FAM171B: variants seen among roughly 807,000 people sequenced by gnomAD.
FAM171B encodes the protein family with sequence similarity 171 member B.
In FAM171B, 19 loss-of-function variants were observed where a neutral mutation model predicts 75.6. The ratio of observed to expected loss-of-function variants is 0.25; its 90% CI spans 0.18 to 0.37. The LOEUF is 0.37. Among genes scored for constraint, FAM171B ranks in the 10% least tolerant of loss-of-function variants. The pLI, the probability that FAM171B is intolerant of heterozygous loss-of-function variation, is 1.00. For missense variants in FAM171B, 848 were observed against 982.4 expected (o/e 0.86, Z 1.83); for synonymous variants, 367 against 361.7 (o/e 1.01, Z -0.17).
intron 6 of FAM171B, 73 bp from the exon 7 acceptor site, chr2:186,761,040 C>T: frequency 6.7e-7 from 1 of 1,486,202 alleles, no homozygotes; most frequent in Non-Finnish European, 9.1e-7. Context: ...CAATTTGCCT[C>T]ACCCAGGATG....
intron 1 of FAM171B, among the ~76,000 whole-genome samples, chr2:186,729,486 T>C (rs1457343835): frequency 1.3e-5 from 2 of 152,096 alleles, no homozygotes; most frequent in Non-Finnish European, 2.9e-5. Flanking sequence ...GGGATATATA[T>C]TGCTTCTGGC....
In FAM171B at chr2:186,737,784, C is replaced by T. The variant is rs367596032; in HGVS notation, c.239-2444C>T. On this transcript the variant is annotated intron_variant, in intron 1 of 7. Coordinates refer to ENST00000304698, the MANE Select transcript of FAM171B (RefSeq NM_177454.4). ...AAAAGAGCTAGCCATGCAGTAGTGG[C>T]ATTTTATTCTAAGAACTTTGACTAC... 2.6e-5 allele frequency among the ~76,000 whole-genome samples: 4 copies of T among 152,228 alleles called. No homozygotes were observed. In the East Asian group the frequency reaches 7.7e-4, roughly 29 times the overall value.
At chr2:186,699,896 A>C (rs955387915) in intron 1 of FAM171B, among the ~76,000 whole-genome samples, 2 of 152,068 alleles carry the variant, frequency 1.3e-5, no homozygotes, top group Non-Finnish European at 2.9e-5. Context: ...CCCCTAATGT[A>C]TGTTCTTGGC....
intron 1 of FAM171B, among the ~76,000 whole-genome samples, chr2:186,720,381 A>G (rs1368432683): frequency 6.6e-6 from 1 of 152,122 alleles, no homozygotes; most frequent in South Asian, 2.1e-4. Flanking sequence ...CCTCCTACTT[A>G]ATACATGCTC....
At chr2:186,754,371 T>A (rs932618731) in intron 6 of FAM171B, among the ~76,000 whole-genome samples, 2 of 152,124 alleles carry the variant, frequency 1.3e-5, no homozygotes, top group Non-Finnish European at 2.9e-5. Context: ...AGAAAAAGAT[T>A]TTGACTAATT....
intron 1 of FAM171B, among the ~76,000 whole-genome samples, chr2:186,721,545 C>T (rs1174443446): frequency 2.0e-5 from 3 of 152,042 alleles, no homozygotes; most frequent in Non-Finnish European, 4.4e-5. Context: ...TGAACAAGCA[C>T]CTTTTAGATA....
intron 2 of FAM171B, among the ~76,000 whole-genome samples, chr2:186,740,899 A>T (rs1482690180): frequency 4.6e-5 from 7 of 152,216 alleles, no homozygotes; most frequent in Non-Finnish European, 8.8e-5. Context: ...AACCTCCCTA[A>T]CATATTATTA....
chr2:186,760,149 A>G (rs1298246030), intron 6 of FAM171B, among the ~76,000 whole-genome samples: 1 of 152,024 alleles, frequency 6.6e-6, no homozygotes, highest in Non-Finnish European at 1.5e-5. Flanking sequence ...GTCTATATGT[A>G]TGTTTTTACC....
chr2:186,726,187 C>T (rs1416249700), intron 1 of FAM171B, among the ~76,000 whole-genome samples: 3 of 152,178 alleles, frequency 2.0e-5, no homozygotes, highest in Non-Finnish European at 2.9e-5. Flanking sequence ...TATTCTCTCT[C>T]ATTAATTTCT....
Position 186,761,562 on chromosome 2 carries a change from C to T in FAM171B, c.1220C>T (p.Thr407Ile). ...AAGAGAGACCAGACAACTTCAACAA[C>T]ACACATAAATCATATCAGTACAGTT... ...VLKRDQTTST[T>I]HINHISTVKV... The change falls in exon 8 of 8, where the codon ACA becomes ATA. Residue 407 changes from threonine to isoleucine, a missense_variant. Physicochemically the swap from Thr to Ile is moderately conservative, Grantham distance 89. Transcript: ENST00000304698. 1 of 1,608,908 alleles carries T rather than the reference C, an allele frequency of 6.2e-7. No individual in the cohort carries two copies. Among genetic ancestry groups the T allele is most frequent in the East Asian group, 2.2e-5 (1 of 44,822 alleles).
rs1410196815 is a variant in FAM171B, at chr2:186,694,187, G to A, written c.14G>A (p.Cys5Tyr). ...TGGCTCTAGGCCATGGCGAGGCTCT[G>A]CCGGCGTGTCCCCTGCACCCTGCTT... MARL[C>Y]RRVPCTLLLG... Residue 5 changes from cysteine (C) to tyrosine (Y), a missense_variant, in exon 1 of 8, where the codon TGC (cysteine) becomes TAC (tyrosine). Cys to Tyr is a radical substitution (Grantham distance 194). Transcript: ENST00000304698. 6.9e-6 allele frequency: 11 copies of A among 1,600,120 alleles called. No homozygotes were observed. Among genetic ancestry groups the A allele is most frequent in the Non-Finnish European group, 9.3e-6 (11 of 1,177,944 alleles).
intron 1 of FAM171B, among the ~76,000 whole-genome samples, chr2:186,715,191 G>T (rs113985963): frequency 2.2e-4 from 33 of 151,340 alleles, no homozygotes; most frequent in African/African-American, 7.7e-4. Flanking sequence ...GAGGGGTTTT[G>T]TGTGTGTGTG....
At chr2:186,712,304 T>A (rs1351292755) in intron 1 of FAM171B, among the ~76,000 whole-genome samples, 1 of 152,176 alleles carries the variant, frequency 6.6e-6, no homozygotes, top group Non-Finnish European at 1.5e-5. Flanking sequence ...CATTCTGCCT[T>A]TTTCTTTGTG....
In FAM171B at chr2:186,762,732, AAAG is replaced by A. The variant is rs1349753900; in HGVS notation, c.2394_2396del (p.Arg799del). 2 of 1,613,222 alleles carry A rather than the reference AAAG, an allele frequency of 1.2e-6. No homozygotes were observed. Among genetic ancestry groups the A allele is most frequent in the South Asian group, 2.2e-5 (2 of 91,062 alleles). ...TTTGAAGCTAATACATCCCCCACTAAAAGAAGGGGCAGACCACCACTAGCCAAA... is the reference window on the plus strand; with the variant it reads ...TTTGAAGCTAATACATCCCCCACTAAAAGGGGCAGACCACCACTAGCCAAA... On this transcript the variant is annotated inframe_deletion, in exon 8 of 8. Coordinates refer to ENST00000304698, the MANE Select transcript of FAM171B (RefSeq NM_177454.4). The surrounding 1 kb of genome is among the most constrained non-coding windows in gnomAD (Gnocchi z 4.0).
intron 1 of FAM171B, among the ~76,000 whole-genome samples, chr2:186,696,147 T>A (rs140307606): frequency 6.6e-6 from 1 of 152,288 alleles, no homozygotes; most frequent in Non-Finnish European, 1.5e-5. Context: ...GTTTTTGTTT[T>A]ATTTACCTAT....
rs1461069490 is a variant in FAM171B, at chr2:186,751,125, C to G, written c.725-9C>G. 7.0e-6 allele frequency: 11 copies of G among 1,582,708 alleles called. No homozygotes were observed. The highest frequency in any genetic ancestry group is 1.3e-5 in the African/African-American group (1 of 74,094). On this transcript the variant is annotated splice_polypyrimidine_tract_variant and intron_variant, in intron 4 of 7. Transcript: ENST00000304698. ...ACATATGATTTTAATAAACTGTCTT[C>G]TTTTATAGGTTTTGAAAACATTGAA... is the stretch of plus-strand genomic sequence containing the variant.
intron 1 of FAM171B, among the ~76,000 whole-genome samples, chr2:186,713,984 A>G (rs1294720398): frequency 6.6e-6 from 1 of 152,234 alleles, no homozygotes; most frequent in Non-Finnish European, 1.5e-5. Context: ...AAAACTTTTT[A>G]TTGAAAAGAT....
intron 1 of FAM171B, among the ~76,000 whole-genome samples, chr2:186,695,995 AATAT>A (rs3029380): frequency 6.6e-6 from 1 of 151,454 alleles, no homozygotes; most frequent in African/African-American, 2.4e-5. Flanking sequence ...TGACTACTGT[AATAT>A]ATATATATAT....
intron 2 of FAM171B, among the ~76,000 whole-genome samples, chr2:186,740,679 G>C (rs1690277414): frequency 6.6e-6 from 1 of 152,184 alleles, no homozygotes; most frequent in African/African-American, 2.4e-5. Context: ...GTAAACAAGA[G>C]AAATTTATTT....
Sources: gnomAD v4.1 joint callset for allele counts (sites outside exome capture counted in the v4.1 genomes callset) on GRCh38, gnomAD v4.1.1 for gene constraint, Gnocchi (gnomAD v3.1) non-coding constraint, MANE v1.5 for transcripts, NCBI Gene and HGNC (gene_info 2026-07-23, HGNC 2026-07-21) for gene names.